MIA2: variants seen among roughly 807,000 people sequenced by gnomAD.
The protein encoded by MIA2 is melanoma inhibitory activity protein 2.
MIA2 carries 127 observed loss-of-function variants against 167.8 expected under a neutral mutation model. That is an observed-to-expected ratio of 0.76 (90% CI 0.66 to 0.88). The LOEUF is 0.88. MIA2 is among the 40% of genes least tolerant of loss of function. The probability of loss-of-function intolerance (pLI) is 0.00; values close to 1 mark genes in which losing one functional copy is unlikely to be tolerated. For missense variants in MIA2, 1,690 were observed against 1,624.7 expected (o/e 1.04, Z -0.69); for synonymous variants, 552 against 541.9 (o/e 1.02, Z -0.26).
chr14:39,316,086 A>G (rs541298699), intron 21 of MIA2, among the ~76,000 whole-genome samples: 10 of 152,248 alleles, frequency 6.6e-5, no homozygotes, highest in Non-Finnish European at 1.3e-4. Context: ...CAATGGGATT[A>G]GATTAAGTGA....
chr14:39,339,579 A>T (rs2071309576), intron 25 of MIA2, among the ~76,000 whole-genome samples: 1 of 152,202 alleles, frequency 6.6e-6, no homozygotes, highest in Non-Finnish European at 1.5e-5. Context: ...GGGATAAAAG[A>T]TAAATTATTA....
At chr14:39,245,592 A>G (rs2054264567) in intron 3 of MIA2, among the ~76,000 whole-genome samples, 1 of 152,202 alleles carries the variant, frequency 6.6e-6, no homozygotes, top group Non-Finnish European at 1.5e-5. Context: ...ACAGAATACC[A>G]GAGACTGGAT....
At position 39,248,443 on chromosome 14, in the gene MIA2, A is replaced by ATT. The variant is rs201847458; in HGVS notation, c.1567+313_1567+314dup. On this transcript the variant is annotated intron_variant, in intron 4 of 28. Transcript: ENST00000640607. ...TTAAAATTTGAAATAGTGCTAAGGC[A>ATT]TTTTTTTTTTTTGACAAAAGCAATT... is the stretch of plus-strand genomic sequence containing the variant. Among the ~76,000 whole-genome samples the ATT allele has an allele frequency of 1.0e-3, 148 of 146,708 alleles. 2 individuals are homozygous for ATT. Among genetic ancestry groups the ATT allele is most frequent in the African/African-American group, 3.6e-3 (144 of 40,418 alleles).
chr14:39,384,682 G>C (rs1346420371), intron 23 of MIA2, among the ~76,000 whole-genome samples: 1 of 152,120 alleles, frequency 6.6e-6, no homozygotes, highest in Non-Finnish European at 1.5e-5. Context: ...GGCACACTCA[G>C]CCAGGTGCCT....
At position 39,294,919 on chromosome 14, in the gene MIA2, A is replaced by G. The variant is rs778291230; in HGVS notation, c.2392-6A>G. On this transcript the variant is annotated splice_region_variant and splice_polypyrimidine_tract_variant and intron_variant, in intron 12 of 28. Coordinates refer to ENST00000640607, the MANE Select transcript of MIA2 (RefSeq NM_001329214.4). The stretch of plus-strand genomic sequence containing the variant: ...TTACAAACTTGACATTTTTTGTTTC[A>G]CTTAGGCCAAAATGACCTTCAAGAT... The G allele has an allele frequency of 6.3e-7, 1 of 1,598,880 alleles. No homozygotes were observed. Among genetic ancestry groups the G allele is most frequent in the South Asian group, 1.1e-5 (1 of 90,442 alleles).
chr14:39,259,712 T>G (rs909162927), intron 6 of MIA2, among the ~76,000 whole-genome samples: 6 of 150,856 alleles, frequency 4.0e-5, no homozygotes, highest in African/African-American at 1.2e-4. Flanking sequence ...TTTTTTTTTT[T>G]TTTTTTTTTT....
At chr14:39,257,671 CA>C (rs1239194280) in intron 6 of MIA2, among the ~76,000 whole-genome samples, 7 of 152,172 alleles carry the variant, frequency 4.6e-5, no homozygotes, top group African/African-American at 1.7e-4. Context: ...GCAGTTTCTT[CA>C]TAGTGTCATT....
chr14:39,296,621 AATTTTT>A, intron 13 of MIA2, among the ~76,000 whole-genome samples: 1 of 107,072 alleles, frequency 9.3e-6, no homozygotes, highest in Non-Finnish European at 2.0e-5. Flanking sequence ...TTTTTTTTTT[AATTTTT>A]ATTTTTATTA....
At chr14:39,368,804 G>T (rs1266714360) in intron 23 of MIA2, among the ~76,000 whole-genome samples, 1 of 148,792 alleles carries the variant, frequency 6.7e-6, no homozygotes, top group Non-Finnish European at 1.5e-5. Context: ...TTCAGTAAAC[G>T]TACGTTTAAT....
intron 6 of MIA2, among the ~76,000 whole-genome samples, chr14:39,263,558 TTTTCCTTTCC>T (rs140402905): frequency 2.3e-4 from 34 of 147,042 alleles, no homozygotes; most frequent in Admixed American, 6.1e-4. Context: ...TTCTTTCTTC[TTTTCCTTTCC>T]TTTCCTTTCC....
At position 39,324,288 on chromosome 14, in the gene MIA2, C is replaced by T. The variant is rs533430839; in HGVS notation, c.3497-2576C>T. On this transcript the variant is annotated intron_variant, in intron 24 of 28. Transcript: ENST00000640607. Reference sequence around the variant, plus strand: ...TTCCAGATGAACTCAGCCTAAATGACGACTTGCACATTTTCTGCTTTCCCA... The same window carrying T: ...TTCCAGATGAACTCAGCCTAAATGATGACTTGCACATTTTCTGCTTTCCCA... Among the ~76,000 whole-genome samples the T allele has an allele frequency of 8.5e-5, 13 of 152,246 alleles. No homozygotes were observed. In the East Asian group the frequency reaches 1.9e-3, roughly 23 times the overall value.
intron 23 of MIA2, among the ~76,000 whole-genome samples, chr14:39,357,097 T>C (rs2074548396): frequency 6.6e-6 from 1 of 152,220 alleles, no homozygotes; most frequent in African/African-American, 2.4e-5. Context: ...GTTCAGTTCC[T>C]GGATATCCTT....
rs747874770 is a variant in MIA2 at position 39,252,870 on chromosome 14, G to C, written c.1690G>C (p.Val564Leu). The change falls in exon 5 of 29, where the codon GTG becomes CTG. Residue 564 changes from valine to leucine, a missense_variant. By Grantham distance (32) the Val-to-Leu change is conservative. Coordinates refer to ENST00000640607, the MANE Select transcript of MIA2 (RefSeq NM_001329214.4). ...PSVDTEGPAL[V>L]EIDRSVENTL... ...AGTAGACACCGAAGGGCCTGCTCTG[G>C]TGGAGATAGACAGATCTGTGGAAAA... The C allele has an allele frequency of 6.2e-7, 1 of 1,614,036 alleles. No homozygotes were observed. Among genetic ancestry groups the C allele is most frequent in the South Asian group, 1.1e-5 (1 of 91,078 alleles).
intron 6 of MIA2, among the ~76,000 whole-genome samples, chr14:39,253,802 T>C (rs1053411665): frequency 2.6e-5 from 4 of 152,224 alleles, no homozygotes; most frequent in Non-Finnish European, 5.9e-5. Flanking sequence ...AAATTCTATT[T>C]TCACTTGTAA....
At chr14:39,359,575 A>G (rs2074625939) in intron 23 of MIA2, among the ~76,000 whole-genome samples, 1 of 152,116 alleles carries the variant, frequency 6.6e-6, no homozygotes, top group South Asian at 2.1e-4. Context: ...CCACTGTCCG[A>G]CAATCCCCAG....
At chr14:39,365,887 T>G (rs1487013075) in intron 23 of MIA2, among the ~76,000 whole-genome samples, 4 of 152,244 alleles carry the variant, frequency 2.6e-5, no homozygotes, top group Admixed American at 6.5e-5. Context: ...ACATTTTCTT[T>G]CTTTTTTATG....
chr14:39,337,051 C>T (rs1176511384), intron 25 of MIA2, among the ~76,000 whole-genome samples: 2 of 152,158 alleles, frequency 1.3e-5, no homozygotes, highest in Non-Finnish European at 2.9e-5. Context: ...GCCATCGTGC[C>T]TGGCTTTTAG....
At position 39,247,843 on chromosome 14, in the gene MIA2, A is replaced by T; in HGVS notation, c.1269A>T (p.Lys423Asn). The T allele has an allele frequency of 6.3e-7, 1 of 1,589,510 alleles. No homozygotes were observed. The highest frequency in any genetic ancestry group is 1.9e-5 in the Admixed American group (1 of 52,226). Residue 423 changes from lysine to asparagine, a missense_variant, in exon 4 of 29, where the codon AAA becomes AAT. By Grantham distance (94) the Lys-to-Asn change is moderately conservative. Coordinates refer to ENST00000640607, the MANE Select transcript of MIA2 (RefSeq NM_001329214.4). ...TAACAAGTGAATTAGACCCTGAAAA[A>T]GAACAAGAAATAGAAACGATAAAAA... ...HPLTSELDPE[K>N]EQEIETIKII...
At chr14:39,332,067 T>C (rs1175417486) in intron 25 of MIA2, among the ~76,000 whole-genome samples, 1 of 152,236 alleles carries the variant, frequency 6.6e-6, no homozygotes, top group Non-Finnish European at 1.5e-5. Context: ...CCGATCACTT[T>C]CAGGTACACC....
Sources: allele counts gnomAD v4.1 joint callset (sites outside exome capture counted in the v4.1 genomes callset), GRCh38; gene constraint gnomAD v4.1.1; transcripts MANE v1.5; gene names NCBI Gene and HGNC (gene_info 2026-07-23, HGNC 2026-07-21).